Variants in COL19A1 observed in about 807,000 individuals in gnomAD.
COL19A1 encodes the protein collagen alpha-1(XIX) chain.
COL19A1 carries 159 observed loss-of-function variants against 190.2 expected under a neutral mutation model. That is an observed-to-expected ratio of 0.84 (90% CI 0.73 to 0.95). The LOEUF (loss-of-function observed/expected upper bound fraction) is 0.95, where lower values mean the gene tolerates loss of function less well. Among genes scored for constraint, COL19A1 ranks in the 40% least tolerant of loss-of-function variants. The probability of loss-of-function intolerance (pLI) is 0.00; values close to 1 mark genes in which losing one functional copy is unlikely to be tolerated. For synonymous variants in COL19A1, 509 were observed against 458.9 expected (o/e 1.11, Z -1.39); for missense variants, 1,418 against 1,431.9 (o/e 0.99, Z 0.16).
At chr6:69,964,104 C>G (rs140198691) in intron 11 of COL19A1, among the ~76,000 whole-genome samples, 81 of 152,206 alleles carry the variant, frequency 5.3e-4, no homozygotes, top group Non-Finnish European at 9.3e-4. Flanking sequence ...GACAGTCTTG[C>G]CTGTATTTTG....
intron 19 of COL19A1, among the ~76,000 whole-genome samples, chr6:70,140,601 G>A (rs950802547): frequency 6.6e-6 from 1 of 152,028 alleles, no homozygotes; most frequent in African/African-American, 2.4e-5. Flanking sequence ...ATTTCTTGCT[G>A]TCATTCCCAT....
At chr6:69,957,872 A>T (rs1439717476) in intron 9 of COL19A1, among the ~76,000 whole-genome samples, 1 of 152,198 alleles carries the variant, frequency 6.6e-6, no homozygotes, top group East Asian at 1.9e-4. Flanking sequence ...TCTTCTGTTG[A>T]CATAAGGTAG....
intron 14 of COL19A1, among the ~76,000 whole-genome samples, chr6:70,052,640 A>T (rs1780271047): frequency 6.6e-6 from 1 of 152,036 alleles, no homozygotes; most frequent in Non-Finnish European, 1.5e-5. Context: ...TTCCTATATA[A>T]TCTATTCTGG....
intron 1 of COL19A1, among the ~76,000 whole-genome samples, chr6:69,874,689 T>A (rs1411009808): frequency 6.6e-6 from 1 of 151,920 alleles, no homozygotes. Flanking sequence ...AGGCGGAGCT[T>A]GCAGTGAGCC....
At chr6:70,058,387 A>G (rs1015758363) in intron 14 of COL19A1, among the ~76,000 whole-genome samples, 1 of 152,124 alleles carries the variant, frequency 6.6e-6, no homozygotes, top group South Asian at 2.1e-4. Flanking sequence ...GTTTACTACA[A>G]TTGGTAATGA....
chr6:69,981,008 T>C (rs1416829717), intron 11 of COL19A1, among the ~76,000 whole-genome samples: 2 of 152,208 alleles, frequency 1.3e-5, no homozygotes. Context: ...ATCTGACTTA[T>C]ATAAATATAT....
chr6:70,195,377 G>A (rs980104437), intron 48 of COL19A1, among the ~76,000 whole-genome samples: 2 of 151,946 alleles, frequency 1.3e-5, no homozygotes, highest in Non-Finnish European at 2.9e-5. Context: ...TTTCACTTAG[G>A]GTAGTCCAGA....
chr6:70,089,396 A>G lies in COL19A1; in HGVS notation c.1225-12773A>G, dbSNP rs560710208. 4.6e-5 allele frequency among the ~76,000 whole-genome samples: 7 copies of G among 152,250 alleles called. No homozygotes were observed. In the South Asian group the frequency reaches 1.2e-3, roughly 27 times the overall value. ...CTTTGTAGCTTTGATTCTATATTTTAAAAGATGCCCAAACTATGGCATTAT... is the reference window on the plus strand; with the variant it reads ...CTTTGTAGCTTTGATTCTATATTTTGAAAGATGCCCAAACTATGGCATTAT... On this transcript the variant is annotated intron_variant, in intron 15 of 50. Transcript: ENST00000620364.
At chr6:70,028,185 A>T (rs1778829223) in intron 12 of COL19A1, among the ~76,000 whole-genome samples, 1 of 152,148 alleles carries the variant, frequency 6.6e-6, no homozygotes, top group South Asian at 2.1e-4. Context: ...TGGGAGCCAT[A>T]AAAAATACGA....
intron 16 of COL19A1, among the ~76,000 whole-genome samples, chr6:70,108,526 T>C (rs1295878498): frequency 6.6e-6 from 1 of 152,170 alleles, no homozygotes; most frequent in Non-Finnish European, 1.5e-5. Context: ...AATTTTTCGA[T>C]GTTTGAAGCT....
intron 15 of COL19A1, among the ~76,000 whole-genome samples, chr6:70,100,207 A>G (rs1309317085): frequency 6.6e-6 from 1 of 152,200 alleles, no homozygotes; most frequent in Non-Finnish European, 1.5e-5. Flanking sequence ...ACTTACCTAG[A>G]TACCATTGAT....
intron 42 of COL19A1, among the ~76,000 whole-genome samples, chr6:70,179,034 G>C (rs984077483): frequency 6.6e-6 from 1 of 151,868 alleles, no homozygotes; most frequent in East Asian, 1.9e-4. Context: ...CTCTATACCC[G>C]CCATGTCCCA....
At chr6:69,980,395 A>T (rs1422687012) in intron 11 of COL19A1, among the ~76,000 whole-genome samples, 1 of 152,166 alleles carries the variant, frequency 6.6e-6, no homozygotes, top group African/African-American at 2.4e-5. Flanking sequence ...TATACCCTAT[A>T]TAAAAATAAA....
At chr6:70,082,975 T>A (rs981425932) in intron 15 of COL19A1, among the ~76,000 whole-genome samples, 1 of 152,136 alleles carries the variant, frequency 6.6e-6, no homozygotes, top group African/African-American at 2.4e-5. Context: ...GAGGCAGAGT[T>A]CATGCGGTAA....
Position 70,122,893 on chromosome 6 carries a change from A to T in COL19A1, c.1341+951A>T, listed in dbSNP as rs181515833. ...AGATAATTTATGGTTGACAAATTTAAAATCAAATATGGAAAGTTTTTTATA... is the reference window on the plus strand; with the variant it reads ...AGATAATTTATGGTTGACAAATTTATAATCAAATATGGAAAGTTTTTTATA... On this transcript the variant is annotated intron_variant, in intron 17 of 50. Transcript: ENST00000620364. 5.3e-5 allele frequency among the ~76,000 whole-genome samples: 8 copies of T among 152,310 alleles called. No homozygotes were observed. In the East Asian group the frequency reaches 1.2e-3, roughly 22 times the overall value.
chr6:70,203,570 C>A (rs529177737), intron 49 of COL19A1, among the ~76,000 whole-genome samples: 2 of 151,990 alleles, frequency 1.3e-5, no homozygotes, highest in Non-Finnish European at 2.9e-5. Flanking sequence ...ACCCCACCCC[C>A]ACCATGCCCA....
Position 70,154,114 on chromosome 6 carries a change from C to G in COL19A1, c.2080-2013C>G, listed in dbSNP as rs188468275. 2.8e-3 allele frequency among the ~76,000 whole-genome samples: 419 copies of G among 149,526 alleles called. 3 individuals are homozygous for G. The highest frequency in any genetic ancestry group is 0.018 in the East Asian group (89 of 5,038). On this transcript the variant is annotated intron_variant, in intron 31 of 50. Transcript: ENST00000620364. The stretch of plus-strand genomic sequence containing the variant: ...TAATGCTATCCCTCCCCTACCCCCC[C>G]CAACCCCCCACAGGCCCCAGTGTGT...
intron 49 of COL19A1, among the ~76,000 whole-genome samples, chr6:70,206,018 T>A (rs1251605344): frequency 6.6e-6 from 1 of 152,220 alleles, no homozygotes; most frequent in African/African-American, 2.4e-5. Context: ...ATGTTTATAG[T>A]TGATCATTTG....
chr6:70,045,714 A>G (rs1401623751), intron 14 of COL19A1, among the ~76,000 whole-genome samples: 2 of 152,158 alleles, frequency 1.3e-5, no homozygotes, highest in Non-Finnish European at 1.5e-5. Context: ...GGACTTCCTT[A>G]CTTATTTCAG....
Sources: gnomAD v4.1 joint callset for allele counts (sites outside exome capture counted in the v4.1 genomes callset) on GRCh38, gnomAD v4.1.1 for gene constraint, MANE v1.5 for transcripts, NCBI Gene and HGNC (gene_info 2026-07-23, HGNC 2026-07-21) for gene names.